REDIC1: variants seen among roughly 807,000 people sequenced by gnomAD.
REDIC1 encodes the protein regulator of DNA class I crossover intermediates 1.
At chr12:39,676,139 T>C in the REDIC1 span, among the ~76,000 whole-genome samples, 3 of 151,780 alleles carry the variant, frequency 2.0e-5, no homozygotes, top group Non-Finnish European at 4.4e-5. Context: ...AGAAGGTTGA[T>C]TAATATACTA....
the REDIC1 span, among the ~76,000 whole-genome samples, chr12:39,712,988 T>C: frequency 0.058 from 227 of 3,940 alleles, 1 homozygote; most frequent in African/African-American, 0.14. Context: ...TATACATGTG[T>C]ATATACGTGT....
the REDIC1 span, among the ~76,000 whole-genome samples, chr12:39,742,852 G>T: frequency 6.6e-6 from 1 of 152,096 alleles, no homozygotes; most frequent in Non-Finnish European, 1.5e-5. Context: ...ACAGACAGAT[G>T]GATAGAGAGA....
At chr12:39,859,769 G>A in the REDIC1 span, among the ~76,000 whole-genome samples, 4 of 152,034 alleles carry the variant, frequency 2.6e-5, no homozygotes, top group Non-Finnish European at 1.5e-5. Context: ...TTGGTGATCC[G>A]CCTGACTTGG....
the REDIC1 span, among the ~76,000 whole-genome samples, chr12:39,856,883 C>A: frequency 6.6e-6 from 1 of 152,066 alleles, no homozygotes; most frequent in Non-Finnish European, 1.5e-5. Context: ...TTTTTAGGGG[C>A]CTTGTTTCAT....
the REDIC1 span, among the ~76,000 whole-genome samples, chr12:39,635,380 C>G: frequency 6.6e-6 from 1 of 152,108 alleles, no homozygotes; most frequent in Non-Finnish European, 1.5e-5. Flanking sequence ...ATAGCAAAGA[C>G]TTGGAACCAA....
chr12:39,631,269 C>T, the REDIC1 span, among the ~76,000 whole-genome samples: 1 of 152,194 alleles, frequency 6.6e-6, no homozygotes, highest in Non-Finnish European at 1.5e-5. Context: ...TTATTTAAAA[C>T]ATTCCATGAA....
the REDIC1 span, among the ~76,000 whole-genome samples, chr12:39,724,588 C>G: frequency 1.1e-4 from 17 of 152,052 alleles, no homozygotes; most frequent in Non-Finnish European, 2.5e-4. Context: ...TGGGGCAAGT[C>G]AAATTAAGAC....
At chr12:39,868,956 A>G in the REDIC1 span, among the ~76,000 whole-genome samples, 3 of 152,232 alleles carry the variant, frequency 2.0e-5, no homozygotes, top group African/African-American at 4.8e-5. Flanking sequence ...TCATCTTGAT[A>G]TAACATTTTT....
At chr12:39,839,313 C>T in the REDIC1 span, among the ~76,000 whole-genome samples, 2 of 151,972 alleles carry the variant, frequency 1.3e-5, no homozygotes, top group African/African-American at 2.4e-5. Context: ...GCATAGATGT[C>T]GGTTGATTTC....
At chr12:39,654,066 GT>G in the REDIC1 span, among the ~76,000 whole-genome samples, 1 of 140,276 alleles carries the variant, frequency 7.1e-6, no homozygotes, top group Non-Finnish European at 1.5e-5. Flanking sequence ...TTATGATGTT[GT>G]TTTTTTTAAG....
At chr12:39,643,636 A>G in the REDIC1 span, 1 of 587,192 alleles carries the variant, frequency 1.7e-6, no homozygotes, top group East Asian at 3.3e-5. Context: ...ATTAATTGTA[A>G]TGTATTTATA....
the REDIC1 span, among the ~76,000 whole-genome samples, chr12:39,632,931 A>C: frequency 6.6e-6 from 1 of 152,302 alleles, no homozygotes; most frequent in African/African-American, 2.4e-5. Context: ...AATGTGAAGC[A>C]TTAGGACATT....
chr12:39,837,727 A>G, the REDIC1 span, among the ~76,000 whole-genome samples: 10 of 152,332 alleles, frequency 6.6e-5, no homozygotes, highest in African/African-American at 2.4e-4. Context: ...ACAACCAAAA[A>G]ACACATGAAA....
chr12:39,688,465 G>A, the REDIC1 span, among the ~76,000 whole-genome samples: 1 of 152,140 alleles, frequency 6.6e-6, no homozygotes, highest in African/African-American at 2.4e-5. Flanking sequence ...TTTCATTCTA[G>A]TTATTGTTAT....
At chr12:39,647,691 C>A in the REDIC1 span, 1 of 873,984 alleles carries the variant, frequency 1.1e-6, no homozygotes, top group Non-Finnish European at 1.6e-6. Flanking sequence ...TCTTTTGTAA[C>A]CCCTGCCCTT....
chr12:39,757,980 A>G, the REDIC1 span: 2 of 152,018 alleles, frequency 1.3e-5, no homozygotes, highest in Non-Finnish European at 3.0e-5. Context: ...ATTGTACCAT[A>G]TAGTAGCTTA....
the REDIC1 span, among the ~76,000 whole-genome samples, chr12:39,726,676 C>T: frequency 6.6e-6 from 1 of 152,248 alleles, no homozygotes; most frequent in Admixed American, 6.5e-5. Context: ...TGGGTATATA[C>T]CCAGTAGTGG....
the REDIC1 span, among the ~76,000 whole-genome samples, chr12:39,655,249 C>A: frequency 6.6e-5 from 10 of 151,892 alleles, no homozygotes; most frequent in East Asian, 9.7e-4. Flanking sequence ...TTATAATTTT[C>A]TTTTTCTGCT....
At chr12:39,671,389 T>G in the REDIC1 span, among the ~76,000 whole-genome samples, 1 of 152,202 alleles carries the variant, frequency 6.6e-6, no homozygotes, top group Non-Finnish European at 1.5e-5. Context: ...GGGGATGGGA[T>G]GCCAGGTGGG....
Sources: gnomAD v4.1 joint callset for allele counts (sites outside exome capture counted in the v4.1 genomes callset) on GRCh38, gnomAD v4.1.1 for gene constraint, MANE v1.5 for transcripts, NCBI Gene and HGNC (gene_info 2026-07-23, HGNC 2026-07-21) for gene names.